The following ST3GAL1 variants were observed in gnomAD, a reference collection of about 807,000 sequenced individuals.
ST3GAL1 encodes ST3 beta-galactoside alpha-2,3-sialyltransferase 1.
A neutral mutation model predicts 34.1 loss-of-function variants in ST3GAL1; 16 were observed. The observed-to-expected ratio is 0.47, with a 90% CI of 0.32 to 0.71. ST3GAL1 has a LOEUF of 0.71. Ranked by LOEUF, ST3GAL1 falls within the 30% of genes least tolerant of loss-of-function variation. The probability of loss-of-function intolerance (pLI) is 0.04; values close to 1 mark genes in which losing one functional copy is unlikely to be tolerated. For missense variants in ST3GAL1, 353 were observed against 447.4 expected (o/e 0.79, Z 1.90); for synonymous variants, 191 against 184.7 (o/e 1.03, Z -0.28).
chr8:133,466,156 C>T lies in ST3GAL1; in HGVS notation c.307-66G>A, dbSNP rs1815727715. ...GCTCCAGCCTCCTGGCAGCAGAGCCCCTGAGCTACCTGCTGTCGTTTACTG... is the reference window on the plus strand; with the variant it reads ...GCTCCAGCCTCCTGGCAGCAGAGCCTCTGAGCTACCTGCTGTCGTTTACTG... On this transcript the variant is annotated intron_variant, in intron 5 of 9. Coordinates refer to ENST00000522652, the MANE Select transcript of ST3GAL1 (RefSeq NM_173344.3). This position sits in a 1 kb window ranked among gnomAD's most constrained non-coding sequence, Gnocchi z 4.4. 1 of 1,502,060 alleles carries T rather than the reference C, an allele frequency of 6.7e-7. No individual in the cohort carries two copies. The highest frequency in any genetic ancestry group is 9.0e-7 in the Non-Finnish European group (1 of 1,108,486). 93.0% of individuals were successfully genotyped at this position (1,502,060 alleles called of 1,614,324 possible). A position where few individuals can be genotyped will look rare whatever the true frequency, so the allele number is the denominator to read the frequency against.
chr8:133,567,502 CA>C (rs1819438301), intron 1 of ST3GAL1, among the ~76,000 whole-genome samples: 1 of 152,170 alleles, frequency 6.6e-6, no homozygotes, highest in South Asian at 2.1e-4. Flanking sequence ...TTTCTAAGGT[CA>C]TGTTCAGCTT....
chr8:133,465,725 G>T, intron 6 of ST3GAL1, 169 bp downstream of exon 6: 1 of 642,094 alleles, frequency 1.6e-6, no homozygotes, highest in Non-Finnish European at 2.6e-6. Context: ...ATGATGCAGA[G>T]ATGGGGAAGC....
chr8:133,477,744 C>T (rs1816233976), intron 3 of ST3GAL1, among the ~76,000 whole-genome samples: 1 of 152,144 alleles, frequency 6.6e-6, no homozygotes, highest in East Asian at 1.9e-4. Context: ...ACTGTGGTTG[C>T]ACGTCTGCCC....
intron 1 of ST3GAL1, among the ~76,000 whole-genome samples, chr8:133,552,451 G>A (rs1201342413): frequency 6.6e-6 from 1 of 152,222 alleles, no homozygotes; most frequent in Non-Finnish European, 1.5e-5. Context: ...TGGGCTGCAT[G>A]TCGAGAACCA....
chr8:133,492,340 CTG>C (rs1816811246), intron 3 of ST3GAL1, among the ~76,000 whole-genome samples: 1 of 152,318 alleles, frequency 6.6e-6, no homozygotes, highest in Non-Finnish European at 1.5e-5. Context: ...TGCACCAACT[CTG>C]TGCCAGGCTC....
At chr8:133,475,024 G>A (rs972218054) in intron 5 of ST3GAL1, among the ~76,000 whole-genome samples, 19 of 152,226 alleles carry the variant, frequency 1.2e-4, no homozygotes, top group African/African-American at 4.6e-4. Context: ...CGGAATCTGT[G>A]AGCATGACAT....
At position 133,476,443 on chromosome 8, in the gene ST3GAL1, G is replaced by C. The variant is rs1159135816; in HGVS notation, c.-216C>G. ...CTCAGGAGCGAGGACCTCGAAGGAA[G>C]GGTGTTGGTATAGCGGGGAGGGAAA... On this transcript the variant is annotated 5_prime_UTR_variant, in exon 4 of 10. Transcript: ENST00000522652. The C allele has an allele frequency of 6.3e-6, 1 of 159,292 alleles. No individual in the cohort carries two copies. Among genetic ancestry groups the C allele is most frequent in the Non-Finnish European group, 1.4e-5 (1 of 72,234 alleles). 9.9% of individuals were successfully genotyped at this position (159,292 alleles called of 1,614,324 possible).
At chr8:133,540,229 C>T (rs10087329) in intron 2 of ST3GAL1, among the ~76,000 whole-genome samples, 49,941 of 151,982 alleles carry the variant, frequency 0.33, 9,917 homozygotes, top group East Asian at 0.61. Flanking sequence ...CCCCAAACAA[C>T]CCCTGTTTCT....
chr8:133,566,051 G>C (rs1045398877), intron 1 of ST3GAL1, among the ~76,000 whole-genome samples: 1 of 152,242 alleles, frequency 6.6e-6, no homozygotes, highest in African/African-American at 2.4e-5. Flanking sequence ...GCTCCCTCCA[G>C]GTGGCTTATG....
intron 2 of ST3GAL1, among the ~76,000 whole-genome samples, chr8:133,532,027 G>C (rs1184004482): frequency 6.6e-6 from 1 of 152,100 alleles, no homozygotes; most frequent in Non-Finnish European, 1.5e-5. Context: ...AATGACATCT[G>C]ATTTCACGAA....
intron 5 of ST3GAL1, among the ~76,000 whole-genome samples, chr8:133,470,768 G>A (rs754034708): frequency 5.9e-5 from 9 of 152,132 alleles, no homozygotes; most frequent in South Asian, 4.1e-4. Context: ...GTGAGGAGTC[G>A]GGCAAGTGGG....
At chr8:133,493,749 G>C (rs1177322492) in intron 3 of ST3GAL1, among the ~76,000 whole-genome samples, 1 of 151,986 alleles carries the variant, frequency 6.6e-6, no homozygotes, top group African/African-American at 2.4e-5. Context: ...GGGAGGCTAA[G>C]GCAGGAGAAT....
intron 3 of ST3GAL1, among the ~76,000 whole-genome samples, chr8:133,494,721 C>T (rs1816889308): frequency 6.6e-6 from 1 of 152,066 alleles, no homozygotes; most frequent in African/African-American, 2.4e-5. Flanking sequence ...TCCAGCTCAG[C>T]CTCCATGCTG....
chr8:133,492,755 C>T (rs1586614424), intron 3 of ST3GAL1, among the ~76,000 whole-genome samples: 1 of 152,112 alleles, frequency 6.6e-6, no homozygotes, highest in East Asian at 1.9e-4. Context: ...CCAAACAGCC[C>T]GGCTCCAGAG....
At chr8:133,475,667 C>G (rs1816142970) in intron 5 of ST3GAL1, 52 bp downstream of exon 5, 2 of 1,493,890 alleles carry the variant, frequency 1.3e-6, no homozygotes, top group East Asian at 4.8e-5. Flanking sequence ...ACCCCACTCT[C>G]AGTCCACACC....
chr8:133,520,685 C>T (rs1469409081), intron 2 of ST3GAL1, among the ~76,000 whole-genome samples: 5 of 151,958 alleles, frequency 3.3e-5, no homozygotes, highest in African/African-American at 4.8e-5. Flanking sequence ...CTACTGCATA[C>T]GTAATTCCCC....
chr8:133,488,719 G>A, intron 3 of ST3GAL1, among the ~76,000 whole-genome samples: 1 of 152,338 alleles, frequency 6.6e-6, no homozygotes, highest in African/African-American at 2.4e-5. Context: ...GGGTCCACAG[G>A]GTGGACAGGT....
At position 133,458,682 on chromosome 8, in the gene ST3GAL1, T is replaced by A. The variant is rs1815386696; in HGVS notation, c.*1082A>T. ...GAGCAAGCAGGGCCGCTGGTGGGGG[T>A]CCCTTTTCCCAAGTAAGGGCTTTTG... On this transcript the variant is annotated 3_prime_UTR_variant, in exon 10 of 10. Transcript: ENST00000522652. The A allele has an allele frequency of 6.6e-6, 1 of 151,916 alleles. No homozygotes were observed. Among genetic ancestry groups the A allele is most frequent in the Non-Finnish European group, 1.5e-5 (1 of 67,988 alleles). The allele number at this position is 151,916 out of a possible 1,614,324, so 9.4% of individuals were successfully genotyped here. A position where few individuals can be genotyped will look rare whatever the true frequency, so the allele number is the denominator to read the frequency against.
chr8:133,569,790 G>A (rs1819510917), intron 1 of ST3GAL1, among the ~76,000 whole-genome samples: 1 of 152,220 alleles, frequency 6.6e-6, no homozygotes, highest in African/African-American at 2.4e-5. Flanking sequence ...CCGGCAGGGG[G>A]CAGTGCACCT....
Sources: allele counts gnomAD v4.1 joint callset (sites outside exome capture counted in the v4.1 genomes callset), GRCh38; gene constraint gnomAD v4.1.1; non-coding constraint Gnocchi (gnomAD v3.1); transcripts MANE v1.5; gene names NCBI Gene and HGNC (gene_info 2026-07-23, HGNC 2026-07-21).